Variants in NTM observed in about 807,000 individuals in gnomAD.
NTM encodes IgLON family member 2.
A neutral mutation model predicts 42.1 loss-of-function variants in NTM; 13 were observed. The ratio of observed to expected loss-of-function variants is 0.31; its 90% CI spans 0.20 to 0.49. NTM has a LOEUF of 0.49. NTM is among the 20% of genes least tolerant of loss of function. The pLI, the probability that NTM is intolerant of heterozygous loss-of-function variation, is 0.99. For missense variants in NTM, 373 were observed against 452.8 expected (o/e 0.82, Z 1.60); for synonymous variants, 187 against 179.2 (o/e 1.04, Z -0.35).
At chr11:131,878,675 C>T in intron 1 of NTM, among the ~76,000 whole-genome samples, 1 of 137,932 alleles carries the variant, frequency 7.2e-6, no homozygotes, top group East Asian at 2.0e-4. Context: ...TTACAGCCTA[C>T]AGATATTATT....
chr11:131,777,250 A>G lies in NTM; in HGVS notation c.83-134314A>G, dbSNP rs1175924637. Reference sequence around the variant, plus strand: ...AGGGTTAATGTTAAGGAGAAATACTAGGCTCAATAAAGAAAGCACATACAT... The same window carrying G: ...AGGGTTAATGTTAAGGAGAAATACTGGGCTCAATAAAGAAAGCACATACAT... On this transcript the variant is annotated intron_variant, in intron 1 of 8. Coordinates refer to ENST00000683400, the MANE Select transcript of NTM (RefSeq NM_001352005.2). The G allele has an allele frequency of 1.9e-5, 3 of 155,296 alleles. No individual in the cohort carries two copies. The Admixed American group carries it at 2.0e-4, about 10-fold the overall frequency. The allele number at this position is 155,296 out of a possible 1,614,324, so 9.6% of individuals were successfully genotyped here.
chr11:131,582,525 T>G (rs2058498257), intron 1 of NTM: 1 of 148,864 alleles, frequency 6.7e-6, no homozygotes, highest in African/African-American at 2.5e-5. Flanking sequence ...GACTTACCAC[T>G]TATTAGTTTT....
chr11:131,933,813 TTAAG>T (rs1291441002), intron 2 of NTM, among the ~76,000 whole-genome samples: 1 of 152,162 alleles, frequency 6.6e-6, no homozygotes, highest in Non-Finnish European at 1.5e-5. Context: ...AACTGGGTAA[TTAAG>T]TAGTCAGAAA....
chr11:132,228,889 T>C (rs775434243), intron 4 of NTM, among the ~76,000 whole-genome samples: 1 of 152,148 alleles, frequency 6.6e-6, no homozygotes, highest in Non-Finnish European at 1.5e-5. Flanking sequence ...CAGGACCTCT[T>C]GATGGGAGCC....
In NTM at chr11:131,567,739, G is replaced by A. The variant is rs149143573; in HGVS notation, c.82+196851G>A. On this transcript the variant is annotated intron_variant, in intron 1 of 8. Coordinates refer to ENST00000683400, the MANE Select transcript of NTM (RefSeq NM_001352005.2). ...AGTTGTGTAAATGTTAAAGTCCTGC[G>A]TCTTTCTTCCCCAAATTATTTCACA... Among the ~76,000 whole-genome samples, 14 of 152,296 alleles carry A rather than the reference G, an allele frequency of 9.2e-5. No homozygotes were observed. In the South Asian group the frequency reaches 1.9e-3, roughly 20 times the overall value.
chr11:131,545,571 G>T (rs1031226075), intron 1 of NTM, among the ~76,000 whole-genome samples: 2 of 152,152 alleles, frequency 1.3e-5, no homozygotes, highest in African/African-American at 4.8e-5. Context: ...CTCTTTGCTA[G>T]GTTCTCAGAA....
chr11:131,455,861 A>T (rs1277936742), intron 1 of NTM, among the ~76,000 whole-genome samples: 2 of 152,190 alleles, frequency 1.3e-5, no homozygotes, highest in African/African-American at 4.8e-5. Flanking sequence ...TTAATTTGAA[A>T]CATTTTATCT....
At chr11:132,061,268 T>G (rs947586947) in intron 2 of NTM, among the ~76,000 whole-genome samples, 4 of 152,218 alleles carry the variant, frequency 2.6e-5, no homozygotes, top group Non-Finnish European at 5.9e-5. Context: ...CATTGGCATA[T>G]TTTTTGTGTA....
At chr11:132,314,223 A>G (rs1445906356) in intron 6 of NTM, among the ~76,000 whole-genome samples, 2 of 152,198 alleles carry the variant, frequency 1.3e-5, no homozygotes, top group African/African-American at 2.4e-5. Flanking sequence ...CTACTGTGTG[A>G]ATCGTATTGC....
intron 2 of NTM, among the ~76,000 whole-genome samples, chr11:131,949,436 G>C (rs1217054215): frequency 6.6e-6 from 1 of 152,180 alleles, no homozygotes; most frequent in East Asian, 1.9e-4. Context: ...TCAGAATCTA[G>C]AACAGCACAC....
At chr11:132,147,212 T>TGAGAGAGA (rs1205491013) in intron 3 of NTM, among the ~76,000 whole-genome samples, 1 of 124,600 alleles carries the variant, frequency 8.0e-6, no homozygotes, top group African/African-American at 3.1e-5. Flanking sequence ...TGTGTGTGTG[T>TGAGAGAGA]GTGAGAGAGA....
chr11:131,787,345 A>G (rs918950837), intron 1 of NTM, among the ~76,000 whole-genome samples: 4 of 95,430 alleles, frequency 4.2e-5, no homozygotes, highest in African/African-American at 1.5e-4. Flanking sequence ...TAATATTAAC[A>G]TAATACAAGA....
chr11:131,412,052 G>A (rs1946481960), intron 1 of NTM, among the ~76,000 whole-genome samples: 1 of 152,120 alleles, frequency 6.6e-6, no homozygotes, highest in African/African-American at 2.4e-5. Context: ...GTGCCAGCCT[G>A]GCAAAGTGTT....
intron 1 of NTM, among the ~76,000 whole-genome samples, chr11:131,677,699 T>C (rs2071673950): frequency 6.6e-6 from 1 of 152,214 alleles, no homozygotes; most frequent in South Asian, 2.1e-4. Flanking sequence ...AAAGTTCCTA[T>C]GAGCAATATG....
intron 4 of NTM, among the ~76,000 whole-genome samples, chr11:132,252,435 A>G (rs1208690938): frequency 6.6e-6 from 1 of 152,136 alleles, no homozygotes; most frequent in African/African-American, 2.4e-5. Flanking sequence ...GAGAGCAGAG[A>G]GTCCCCAAAA....
chr11:131,636,694 T>A (rs1223546935), intron 1 of NTM, among the ~76,000 whole-genome samples: 1 of 152,162 alleles, frequency 6.6e-6, no homozygotes, highest in Admixed American at 6.5e-5. Flanking sequence ...ACGAAACAGA[T>A]CTGGACTCCT....
At chr11:131,904,871 C>T (rs1409371085) in intron 1 of NTM, among the ~76,000 whole-genome samples, 1 of 152,180 alleles carries the variant, frequency 6.6e-6, no homozygotes, top group Non-Finnish European at 1.5e-5. Flanking sequence ...ACGGCTCTTC[C>T]TGCTGTGGGT....
At chr11:131,426,224 A>T (rs1488021891) in intron 1 of NTM, among the ~76,000 whole-genome samples, 6 of 152,168 alleles carry the variant, frequency 3.9e-5, no homozygotes, top group African/African-American at 1.4e-4. Flanking sequence ...GTCAGGATGA[A>T]GTCTGGGAAC....
chr11:131,890,846 C>A (rs970742764), intron 1 of NTM, among the ~76,000 whole-genome samples: 1 of 152,184 alleles, frequency 6.6e-6, no homozygotes, highest in Non-Finnish European at 1.5e-5. Context: ...GTGTCTCTGG[C>A]AGAACCACTT....
Sources: allele counts gnomAD v4.1 joint callset (sites outside exome capture counted in the v4.1 genomes callset), GRCh38; gene constraint gnomAD v4.1.1; transcripts MANE v1.5; gene names NCBI Gene and HGNC (gene_info 2026-07-23, HGNC 2026-07-21).